Variants in CDH11 observed in about 807,000 individuals in gnomAD.
CDH11 encodes the protein cadherin 11.
In CDH11, 11 loss-of-function variants were observed where a neutral mutation model predicts 67.8. The observed-to-expected ratio is 0.16, with a 90% CI of 0.10 to 0.27. CDH11 has a LOEUF of 0.27. CDH11 is among the 10% of genes least tolerant of loss of function. The pLI, the probability that CDH11 is intolerant of heterozygous loss-of-function variation, is 1.00. For missense variants in CDH11, 847 were observed against 1,031.2 expected (o/e 0.82, Z 2.45); for synonymous variants, 419 against 400.0 (o/e 1.05, Z -0.57).
At chr16:65,092,441 T>A (rs1265023619) in intron 1 of CDH11, among the ~76,000 whole-genome samples, 2 of 152,176 alleles carry the variant, frequency 1.3e-5, no homozygotes, top group African/African-American at 4.8e-5. Flanking sequence ...ACCAAAGTGC[T>A]TTGGGCCAAA....
intron 7 of CDH11, chr16:64,986,716 T>C (rs192722330): frequency 3.3e-5 from 5 of 152,290 alleles, no homozygotes; most frequent in Admixed American, 6.5e-5. Flanking sequence ...GGTCCTACCA[T>C]TCATCCATTA....
chr16:65,095,881 G>T (rs1033059817), intron 1 of CDH11, among the ~76,000 whole-genome samples: 2 of 152,192 alleles, frequency 1.3e-5, no homozygotes, highest in African/African-American at 4.8e-5. Flanking sequence ...TTATAAAAGT[G>T]AATCAAAAGA....
In CDH11 at chr16:64,950,786, G is replaced by A. The variant is rs1398226033; in HGVS notation, c.1875C>T (p.Ala625=). 1 of 1,613,938 alleles carries A rather than the reference G, an allele frequency of 6.2e-7. No homozygotes were observed. Among genetic ancestry groups the A allele is most frequent in the Non-Finnish European group, 8.5e-7 (1 of 1,179,958 alleles). Residue 625 remains alanine (A), a synonymous_variant, in exon 12 of 13, where the codon GCC becomes GCT. Transcript: ENST00000268603. ...LSTGALIAIL[A]CIVILLVIVV... ...CCTTACCCAGGAGAATGACGATGCA[G>A]GCGAGGATGGCGATCAGGGCGCCTG... is the stretch of plus-strand genomic sequence containing the variant.
intron 8 of CDH11, among the ~76,000 whole-genome samples, chr16:64,978,712 C>T (rs531771838): frequency 6.2e-4 from 94 of 152,238 alleles, no homozygotes; most frequent in African/African-American, 2.2e-3. Context: ...ACAAATAGTG[C>T]TGGAATAATT....
In CDH11 at chr16:64,947,941, C is replaced by T. The variant is rs1352439537; in HGVS notation, c.2053G>A (p.Asp685Asn). ...AFDIATLQNP[D>N]GINGFIPRKD... ...CGGGGGATAAATCCATTGATACCAT[C>T]AGGATTCTGGAGGGTGGCAATATCA... The change falls in exon 13 of 13, where the codon GAT (aspartate) becomes AAT (asparagine). Residue 685 changes from aspartate (D) to asparagine (N), a missense_variant. Around this residue, in one of 2 missense-constraint regions of CDH11, gnomAD observed 612 missense variants for 678.7 expected, o/e 0.90. Coordinates refer to ENST00000268603, the MANE Select transcript of CDH11 (RefSeq NM_001797.4). 6.2e-7 allele frequency: 1 copy of T among 1,614,144 alleles called. No homozygotes were observed. The highest frequency in any genetic ancestry group is 1.1e-5 in the South Asian group (1 of 91,078).
Position 65,109,146 on chromosome 16 carries a change from C to T in CDH11, c.-298+12734G>A, listed in dbSNP as rs534514627. ...TGGGTGATAGAGTGAGACTCTGTTTCGAAAAAAAAAGAAATTGAAATGAAT... is the reference window on the plus strand; with the variant it reads ...TGGGTGATAGAGTGAGACTCTGTTTTGAAAAAAAAAGAAATTGAAATGAAT... On this transcript the variant is annotated intron_variant, in intron 1 of 12. Transcript: ENST00000268603. Among the ~76,000 whole-genome samples the T allele has an allele frequency of 1.3e-3, 187 of 149,534 alleles. 1 individual carries two copies. The highest frequency in any genetic ancestry group is 3.5e-3 in the Middle Eastern group (1 of 288).
chr16:65,036,826 T>G (rs532405497), intron 2 of CDH11, among the ~76,000 whole-genome samples: 5 of 152,312 alleles, frequency 3.3e-5, no homozygotes, highest in South Asian at 2.1e-4. Flanking sequence ...ATTTGGATAC[T>G]TGGGTCCCAT....
chr16:64,980,989 CCTT>C (rs2072320482), intron 8 of CDH11: 1 of 152,130 alleles, frequency 6.6e-6, no homozygotes, highest in Admixed American at 6.5e-5. Context: ...TTCTCCACCT[CCTT>C]CTTATCACCC....
At chr16:65,086,668 C>T (rs1007050975) in intron 1 of CDH11, among the ~76,000 whole-genome samples, 1 of 152,182 alleles carries the variant, frequency 6.6e-6, no homozygotes, top group African/African-American at 2.4e-5. Context: ...ACAAATGCAG[C>T]GTCTCAGAGT....
At chr16:65,013,591 G>A (rs1257508042) in intron 2 of CDH11, among the ~76,000 whole-genome samples, 6 of 152,180 alleles carry the variant, frequency 3.9e-5, no homozygotes, top group African/African-American at 1.4e-4. Flanking sequence ...TTGGAAGGCT[G>A]AGGTGGGAAG....
intron 1 of CDH11, among the ~76,000 whole-genome samples, chr16:65,083,099 TGAGA>T (rs1301328624): frequency 6.6e-6 from 1 of 152,148 alleles, no homozygotes; most frequent in Non-Finnish European, 1.5e-5. Flanking sequence ...TAAAAGTAAC[TGAGA>T]GAAATGACTT....
chr16:65,040,475 G>A (rs138690601), intron 2 of CDH11, among the ~76,000 whole-genome samples: 1,793 of 151,362 alleles, frequency 0.012, 47 homozygotes, highest in African/African-American at 0.042. Context: ...CAAACACCGC[G>A]TGTTCTCAGT....
Position 64,950,860 on chromosome 16 carries a change from G to C in CDH11, c.1801C>G (p.Leu601Val). Residue 601 changes from leucine (L) to valine (V), a missense_variant, in exon 12 of 13, where the codon CTG (leucine) becomes GTG (valine). Around this residue, in one of 2 missense-constraint regions of CDH11, gnomAD observed 612 missense variants for 678.7 expected, o/e 0.90. Coordinates refer to ENST00000268603, the MANE Select transcript of CDH11 (RefSeq NM_001797.4). Reference protein sequence around the residue: ...KVCGCDVNGALLSCNAEAYIL... With the variant: ...KVCGCDVNGAVLSCNAEAYIL... ...TAGGCCTCTGCGTTGCAGGAGAGCA[G>C]TGCCCCGTTCACGTCGCACCCGCAG... The C allele has an allele frequency of 6.2e-7, 1 of 1,614,230 alleles. No homozygotes were observed. The highest frequency in any genetic ancestry group is 1.1e-5 in the South Asian group (1 of 91,088).
rs187271827 is a variant in CDH11 at position 65,076,069 on chromosome 16, G to A, written c.-297-22141C>T. On this transcript the variant is annotated intron_variant, in intron 1 of 12. Coordinates refer to ENST00000268603, the MANE Select transcript of CDH11 (RefSeq NM_001797.4). ...GGAGGGGCTGTGAGCTGCAGTCCCC[G>A]TAGAATGAGATGAGTGCACCTGTGC... Among the ~76,000 whole-genome samples, 44 of 152,292 alleles carry A rather than the reference G, an allele frequency of 2.9e-4. No individual in the cohort carries two copies. The South Asian group carries it at 3.9e-3, about 14-fold the overall frequency.
chr16:64,971,903 T>C, intron 10 of CDH11, 28 bp downstream of exon 10: 1 of 1,612,636 alleles, frequency 6.2e-7, no homozygotes, highest in South Asian at 1.1e-5. Context: ...GCATTGTTCC[T>C]AGCCAAGAAT....
chr16:65,111,959 A>T (rs866812593), intron 1 of CDH11, among the ~76,000 whole-genome samples: 1 of 151,056 alleles, frequency 6.6e-6, no homozygotes, highest in Non-Finnish European at 1.5e-5. Context: ...AATCCCAGCT[A>T]CTCAGGAGGC....
chr16:65,083,680 G>A (rs1597173044), intron 1 of CDH11, among the ~76,000 whole-genome samples: 1 of 152,338 alleles, frequency 6.6e-6, no homozygotes, highest in East Asian at 1.9e-4. Flanking sequence ...TGGAATGTCA[G>A]CATTTTGCAA....
At chr16:65,086,191 G>C (rs1485937699) in intron 1 of CDH11, among the ~76,000 whole-genome samples, 1 of 152,210 alleles carries the variant, frequency 6.6e-6, no homozygotes, top group Non-Finnish European at 1.5e-5. Flanking sequence ...GCTAACAACT[G>C]TCTAGCCCTT....
chr16:65,028,733 C>T (rs1269053114), intron 2 of CDH11, among the ~76,000 whole-genome samples: 1 of 152,182 alleles, frequency 6.6e-6, no homozygotes, highest in Non-Finnish European at 1.5e-5. Context: ...ATGCCCAACC[C>T]TCCATGCTTG....
Sources: gnomAD v4.1 joint callset for allele counts (sites outside exome capture counted in the v4.1 genomes callset) on GRCh38, gnomAD v4.1.1 for gene constraint, gnomAD v4.1.1 regional missense constraint, MANE v1.5 for transcripts, NCBI Gene and HGNC (gene_info 2026-07-23, HGNC 2026-07-21) for gene names.